Variants in XPO4 observed in about 807,000 individuals in gnomAD.
XPO4 encodes exportin-4.
A neutral mutation model predicts 143.0 loss-of-function variants in XPO4; 39 were observed. The ratio of observed to expected loss-of-function variants is 0.27; its 90% confidence interval spans 0.21 to 0.36. The LOEUF (loss-of-function observed/expected upper bound fraction) is 0.36, where lower values mean the gene tolerates loss of function less well. Ranked by LOEUF, XPO4 falls within the 10% of genes least tolerant of loss-of-function variation. The probability of loss-of-function intolerance (pLI) is 1.00; values close to 1 mark genes in which losing one functional copy is unlikely to be tolerated. For synonymous variants in XPO4, 439 were observed against 474.0 expected (o/e 0.93, Z 0.96); for missense variants, 907 against 1,348.0 (o/e 0.67, Z 5.12).
At chr13:20,833,523 G>A (rs906498479) in intron 6 of XPO4, among the ~76,000 whole-genome samples, 8 of 151,962 alleles carry the variant, frequency 5.3e-5, no homozygotes, top group African/African-American at 1.9e-4. Context: ...GTACATTGTT[G>A]CACTGTTTTT....
chr13:20,790,236 T>C (rs1042128684), intron 19 of XPO4, among the ~76,000 whole-genome samples: 1 of 152,314 alleles, frequency 6.6e-6, no homozygotes, highest in South Asian at 2.1e-4. Context: ...GAGTCACTAA[T>C]GTATGGGTGC....
At chr13:20,826,477 T>C (rs564659816) in intron 7 of XPO4, among the ~76,000 whole-genome samples, 1 of 152,330 alleles carries the variant, frequency 6.6e-6, no homozygotes, top group Non-Finnish European at 1.5e-5. Flanking sequence ...GCGTTTCCCA[T>C]TCTCACTGTC....
intron 3 of XPO4, among the ~76,000 whole-genome samples, chr13:20,861,664 A>G (rs1457484269): frequency 1.3e-5 from 2 of 151,926 alleles, no homozygotes; most frequent in Non-Finnish European, 2.9e-5. Context: ...AGCAATACAG[A>G]TATGTATAAA....
chr13:20,778,759 A>T lies in XPO4; in HGVS notation c.*4963T>A, dbSNP rs922597148. ...TTTAAAATTATTTTAGGACCGTGTA[A>T]TGTCCCCAGTGTCAATCTTCCTATA... On this transcript the variant is annotated 3_prime_UTR_variant, in exon 23 of 23. Transcript: ENST00000255305. The T allele has an allele frequency of 3.3e-5, 5 of 152,270 alleles. No homozygotes were observed. Among genetic ancestry groups the T allele is most frequent in the African/African-American group, 1.2e-4 (5 of 41,550 alleles). 9.4% of individuals were successfully genotyped at this position (152,270 alleles called of 1,614,324 possible). A position where few individuals can be genotyped will look rare whatever the true frequency, so the allele number is the denominator to read the frequency against.
intron 2 of XPO4, chr13:20,865,602 C>A (rs1488674032): frequency 1.0e-6 from 1 of 958,140 alleles, no homozygotes; most frequent in Non-Finnish European, 1.2e-6. Flanking sequence ...ATTTTGTCAG[C>A]CATCTGAAAC....
rs768934529 is a variant in XPO4 at position 20,799,344 on chromosome 13, A to C, written c.2148-5T>G. ...CATTGAATTACTAAGTTTGCCCTAC[A>C]GGTAGAAATAACAAAACATAAGATG... On this transcript the variant is annotated splice_region_variant and splice_polypyrimidine_tract_variant and intron_variant, in intron 15 of 22. Transcript: ENST00000255305. 2.5e-6 allele frequency: 4 copies of C among 1,611,404 alleles called. No homozygotes were observed. Among genetic ancestry groups the C allele is most frequent in the Non-Finnish European group, 3.4e-6 (4 of 1,178,062 alleles).
intron 6 of XPO4, among the ~76,000 whole-genome samples, chr13:20,837,267 T>C (rs902119492): frequency 2.6e-5 from 4 of 152,176 alleles, no homozygotes; most frequent in East Asian, 3.8e-4. Context: ...CTCAACCCAA[T>C]AGATGGCAGT....
intron 12 of XPO4, 76 bp from the exon 13 acceptor site, chr13:20,807,710 T>C: frequency 3.4e-6 from 4 of 1,172,516 alleles, no homozygotes; most frequent in Non-Finnish European, 4.6e-6. Flanking sequence ...ATGTTTTCAG[T>C]TTGATTTATA....
At chr13:20,791,488 G>A (rs2059279421) in intron 18 of XPO4, among the ~76,000 whole-genome samples, 1 of 152,100 alleles carries the variant, frequency 6.6e-6, no homozygotes, top group African/African-American at 2.4e-5. Flanking sequence ...TAGGAAACAG[G>A]CTAAATTCCA....
At chr13:20,828,801 G>T (rs539470959) in intron 6 of XPO4, among the ~76,000 whole-genome samples, 1 of 152,264 alleles carries the variant, frequency 6.6e-6, no homozygotes, top group South Asian at 2.1e-4. Flanking sequence ...AAATCAGCCC[G>T]TGAACCCTAA....
At chr13:20,859,937 G>A (rs1361433801) in intron 3 of XPO4, 1 of 735,306 alleles carries the variant, frequency 1.4e-6, no homozygotes, top group Non-Finnish European at 1.7e-6. Flanking sequence ...GTTGGGGAAT[G>A]GCGACAAGGG....
At chr13:20,880,552 C>A (rs2060398828) in intron 1 of XPO4, among the ~76,000 whole-genome samples, 1 of 152,206 alleles carries the variant, frequency 6.6e-6, no homozygotes, top group South Asian at 2.1e-4. Flanking sequence ...AGCTATATAT[C>A]CAAAAGAACT....
At chr13:20,811,856 T>G (rs2059587299) in intron 9 of XPO4, among the ~76,000 whole-genome samples, 3 of 152,196 alleles carry the variant, frequency 2.0e-5, no homozygotes, top group Admixed American at 2.0e-4. Context: ...TACAGGGTGA[T>G]GAAGGCCTCT....
At chr13:20,818,692 C>G (rs913349151) in intron 9 of XPO4, among the ~76,000 whole-genome samples, 2 of 152,068 alleles carry the variant, frequency 1.3e-5, no homozygotes, top group Non-Finnish European at 2.9e-5. Flanking sequence ...AACAGTTGTT[C>G]TTATGTGGTA....
At chr13:20,893,334 A>G (rs1306339293) in intron 1 of XPO4, among the ~76,000 whole-genome samples, 1 of 152,226 alleles carries the variant, frequency 6.6e-6, no homozygotes, top group Non-Finnish European at 1.5e-5. Context: ...CAACAAAGAC[A>G]GTGGACAGAA....
chr13:20,851,581 C>T (rs1213571428), intron 4 of XPO4: 1 of 471,628 alleles, frequency 2.1e-6, no homozygotes, highest in African/African-American at 2.1e-5. Context: ...TGGTGGCATG[C>T]ACCTGTAGTC....
At chr13:20,790,427 A>AT in intron 19 of XPO4, 35 bp downstream of exon 19, 1 of 1,486,426 alleles carries the variant, frequency 6.7e-7, no homozygotes, top group Non-Finnish European at 9.4e-7. Context: ...TCAGTTACAC[A>AT]TAGTGGTATG....
At chr13:20,850,284 T>C (rs539734761) in intron 4 of XPO4, 3 of 978,732 alleles carry the variant, frequency 3.1e-6, no homozygotes, top group Non-Finnish European at 2.4e-6. Context: ...ACTTGCTGAA[T>C]AGAAGTGAAT....
chr13:20,785,901 A>AGAAGGTAG (rs57419802), intron 22 of XPO4, among the ~76,000 whole-genome samples: 1 of 126,392 alleles, frequency 7.9e-6, no homozygotes, highest in Non-Finnish European at 1.6e-5. Flanking sequence ...AGAAAGAAAG[A>AGAAGGTAG]GGAGGGAGGA....
Sources: allele counts gnomAD v4.1 joint callset (sites outside exome capture counted in the v4.1 genomes callset), GRCh38; gene constraint gnomAD v4.1.1; transcripts MANE v1.5; gene names NCBI Gene and HGNC (gene_info 2026-07-23, HGNC 2026-07-21).